Variants in TSEN54 observed in about 807,000 individuals in gnomAD.
The protein encoded by TSEN54 is tRNA splicing endonuclease subunit 54, also known as tRNA-splicing endonuclease subunit Sen54.
In TSEN54, 55 loss-of-function variants were observed where a neutral mutation model predicts 61.9. That is an observed-to-expected ratio of 0.89 (90% confidence interval 0.72 to 1.11). The LOEUF is 1.11. Among genes scored for constraint, TSEN54 ranks in the 50% most tolerant of loss-of-function variants. The pLI is 0.00. For synonymous variants in TSEN54, 304 were observed against 288.7 expected, an observed-to-expected ratio of 1.05 and a Z score of -0.54; for missense variants, 760 against 687.7, an observed-to-expected ratio of 1.11 and a Z score of -1.18.
chr17:75,523,140 C>CT, intron 8 of TSEN54, 135 bp from the exon 9 acceptor site: 1 of 1,174,220 alleles, frequency 8.5e-7, no homozygotes, highest in Non-Finnish European at 1.3e-6. Context: ...GATCACGCCA[C>CT]TATACTCCAG....
At chr17:75,520,954 CAAA>C (rs74269590) in intron 6 of TSEN54, among the ~76,000 whole-genome samples, 6 of 95,000 alleles carry the variant, frequency 6.3e-5, no homozygotes, top group Non-Finnish European at 6.9e-5. Flanking sequence ...GACTGTGTCT[CAAA>C]AAAAAAAAAA....
intron 8 of TSEN54, chr17:75,522,728 T>A: frequency 2.9e-6 from 1 of 344,100 alleles, no homozygotes; most frequent in Non-Finnish European, 5.3e-6. Context: ...AAGCTAAATG[T>A]GTTAACGGAT....
chr17:75,524,533 G>C lies in TSEN54; in HGVS notation c.*121G>C, dbSNP rs2053481420. 3 of 1,306,136 alleles carry C rather than the reference G, an allele frequency of 2.3e-6. No individual in the cohort carries two copies. The highest frequency in any genetic ancestry group is 3.3e-6 in the Non-Finnish European group (3 of 914,382). 80.9% of individuals were successfully genotyped at this position (1,306,136 alleles called of 1,614,324 possible). ...CCTGTAGCTTCAGAGGCCAGTCTGG[G>C]CCTTGGCCCTGGGTGTCTGATACTC... On this transcript the variant is annotated 3_prime_UTR_variant, in exon 11 of 11. Transcript: ENST00000333213.
rs774808311 is a variant in TSEN54 at position 75,522,191 on chromosome 17, C to A, written c.1110C>A (p.Pro370=). ...TCCAGGAAGATGTCAACGCCGATCC[C>A]GAGGTGCAGCGGTGCTCCAGCTGGC... ...AQFQEDVNAD[P]EVQRCSSWRE... The change falls in exon 8 of 11, where the codon CCC becomes CCA. Residue 370 remains proline, a synonymous_variant. Transcript: ENST00000333213. The A allele has an allele frequency of 5.8e-6, 9 of 1,547,900 alleles. No individual in the cohort carries two copies. Among genetic ancestry groups the A allele is most frequent in the African/African-American group, 5.5e-5 (4 of 72,954 alleles).
intron 6 of TSEN54, among the ~76,000 whole-genome samples, chr17:75,520,458 C>T (rs1054947812): frequency 3.4e-5 from 5 of 149,192 alleles, no homozygotes; most frequent in East Asian, 2.0e-4. Context: ...TGGTGGCAGG[C>T]GCCTATAGTC....
Position 75,522,339 on chromosome 17 carries a change from C to A in TSEN54, c.1252+6C>A. 9 of 1,544,598 alleles carry A rather than the reference C, an allele frequency of 5.8e-6. No homozygotes were observed. Among genetic ancestry groups the A allele is most frequent in the Non-Finnish European group, 7.8e-6 (9 of 1,146,812 alleles). ...TGGCCAGGCCAGCTCCCCAGGTACC[C>A]CCTCAGCCTGCCACATCTTCGAGGG... On this transcript the variant is annotated splice_donor_region_variant and intron_variant, in intron 8 of 10. Transcript: ENST00000333213.
intron 6 of TSEN54, among the ~76,000 whole-genome samples, chr17:75,520,595 A>G (rs1171750052): frequency 6.6e-6 from 1 of 151,224 alleles, no homozygotes. Context: ...CAAAAAAAAA[A>G]GCAAACTTAA....
chr17:75,521,656 A>G, intron 7 of TSEN54, 49 bp from the exon 8 acceptor site: 1 of 1,598,804 alleles, frequency 6.3e-7, no homozygotes, highest in South Asian at 1.1e-5. Context: ...GGACGTGTGC[A>G]CCTTAGCAAC....
chr17:75,522,181 A>G lies in TSEN54; in HGVS notation c.1100A>G (p.Asn367Ser), dbSNP rs750326133. The change falls in exon 8 of 11, where the codon AAC becomes AGC. Residue 367 changes from asparagine (N) to serine (S), a missense_variant. Asn to Ser is a conservative substitution (Grantham distance 46). Coordinates refer to ENST00000333213, the MANE Select transcript of TSEN54 (RefSeq NM_207346.3). ...GCCGCGCAGTTCCAGGAAGATGTCA[A>G]CGCCGATCCCGAGGTGCAGCGGTGC... ...AEAAQFQEDV[N>S]ADPEVQRCSS... The G allele has an allele frequency of 1.3e-6, 2 of 1,550,234 alleles. No individual in the cohort carries two copies. Among genetic ancestry groups the G allele is most frequent in the South Asian group, 2.4e-5 (2 of 84,362 alleles).
intron 9 of TSEN54, 100 bp downstream of exon 9, chr17:75,523,435 C>A (rs1021323951): frequency 1.2e-6 from 2 of 1,608,038 alleles, no homozygotes; most frequent in Admixed American, 1.7e-5. Flanking sequence ...GAGGACTGTT[C>A]CAGGGACTCC....
intron 4 of TSEN54, 75 bp downstream of exon 4, chr17:75,517,319 C>T: frequency 6.7e-7 from 1 of 1,495,342 alleles, no homozygotes; most frequent in Non-Finnish European, 9.1e-7. Flanking sequence ...GGAGAAAAAG[C>T]ACACACAACC....
chr17:75,521,560 C>A, intron 7 of TSEN54, 50 bp downstream of exon 7: 5 of 1,595,492 alleles, frequency 3.1e-6, no homozygotes, highest in Non-Finnish European at 4.3e-6. Context: ...TGTCTGGGAC[C>A]TTGGAAAATG....
chr17:75,517,014 G>A lies in TSEN54; in HGVS notation c.227G>A (p.Ser76Asn), dbSNP rs2053376932. The A allele has an allele frequency of 6.3e-7, 1 of 1,586,894 alleles. No homozygotes were observed. The highest frequency in any genetic ancestry group is 1.3e-5 in the African/African-American group (1 of 74,554). Reference sequence around the variant, plus strand: ...CCCTCCCCACTCCTCGCCAGGGGCAGCTTGGTGGCTGCCGAGTGGAGGCCA... The same window carrying A: ...CCCTCCCCACTCCTCGCCAGGGGCAACTTGGTGGCTGCCGAGTGGAGGCCA... ...LAEQRVERLGSLVAAEWRPEE... is the reference protein window; with the variant it reads ...LAEQRVERLGNLVAAEWRPEE... Residue 76 changes from serine to asparagine, a missense_variant, in exon 3 of 11, where the codon AGC becomes AAC. Ser to Asn is a conservative substitution (Grantham distance 46). This residue lies in a region of TSEN54 where 667 missense variants were observed against 577.8 expected (regional missense o/e 1.15). Transcript: ENST00000333213.
At chr17:75,517,269 A>G in intron 4 of TSEN54, 25 bp downstream of exon 4, 1 of 1,574,520 alleles carries the variant, frequency 6.4e-7, no homozygotes, top group Non-Finnish European at 8.6e-7. Flanking sequence ...GGAGGTGGGG[A>G]AGGAGTTGGG....
rs754461779 is a variant in TSEN54 at position 75,524,361 on chromosome 17, C to A, written c.1530C>A (p.Ile510=). The change falls in exon 11 of 11, where the codon ATC becomes ATA. Residue 510 remains isoleucine, a synonymous_variant. Coordinates refer to ENST00000333213, the MANE Select transcript of TSEN54 (RefSeq NM_207346.3). ...TTGCCCTGGTGGATCATGGTGACAT[C>A]TCCTTCTACAGCTTCAGGGACTTCA... The part of the protein sequence containing the change: ...LIFALVDHGD[I]SFYSFRDFTL... The A allele has an allele frequency of 6.5e-5, 105 of 1,614,072 alleles. 3 individuals are homozygous for A. The South Asian group carries it at 1.1e-3, about 17-fold the overall frequency.
intron 4 of TSEN54, 46 bp downstream of exon 4, chr17:75,517,290 G>A (rs1488143484): frequency 6.4e-7 from 1 of 1,553,112 alleles, no homozygotes; most frequent in Non-Finnish European, 8.7e-7. Context: ...ACCAAAGAAC[G>A]GGAAGGACAC....
Position 75,521,769 on chromosome 17 carries a change from A to C in TSEN54, c.688A>C (p.Ser230Arg), listed in dbSNP as rs1187189879. 6.2e-7 allele frequency: 1 copy of C among 1,612,790 alleles called. No individual in the cohort carries two copies. The highest frequency in any genetic ancestry group is 1.7e-5 in the Admixed American group (1 of 60,000). The change falls in exon 8 of 11, where the codon AGC (serine) becomes CGC (arginine). Residue 230 changes from serine (S) to arginine (R), a missense_variant. By Grantham distance (110) the Ser-to-Arg change is moderately radical. Transcript: ENST00000333213. ...GCAACCCAAGAGTCTGGCAGCCTCC[A>C]GCCCACCTCCCTGCAGCCAGCCCAG... ...SLQPKSLAASSPPPCSQPSQC... is the reference protein window; with the variant it reads ...SLQPKSLAASRPPPCSQPSQC...
chr17:75,521,300 C>G (rs912202732), intron 6 of TSEN54, 109 bp from the exon 7 acceptor site: 1 of 934,384 alleles, frequency 1.1e-6, no homozygotes, highest in Admixed American at 2.0e-5. Context: ...GGGTGTGGCT[C>G]CGATCCTGGC....
rs2053428773 is a variant in TSEN54 at position 75,521,707 on chromosome 17, C to T, written c.626C>T (p.Ser209Phe). ...KRKRSSSSPR[S>F]INKKAKALDN... ...TGCTTTTCCCCCACGTCCCTCAGGT[C>T]CATTAATAAGAAGGCCAAGGCCCTG... The change falls in exon 8 of 11, where the codon TCC (serine) becomes TTC (phenylalanine). Residue 209 changes from serine to phenylalanine, a missense_variant and splice_region_variant. Ser to Phe is a radical substitution (Grantham distance 155). This residue lies in a region of TSEN54 where 667 missense variants were observed against 577.8 expected (regional missense o/e 1.15). Coordinates refer to ENST00000333213, the MANE Select transcript of TSEN54 (RefSeq NM_207346.3). The T allele has an allele frequency of 6.2e-7, 1 of 1,613,090 alleles. No individual in the cohort carries two copies. The highest frequency in any genetic ancestry group is 1.3e-5 in the African/African-American group (1 of 74,992).
Sources: gnomAD v4.1 joint callset for allele counts (sites outside exome capture counted in the v4.1 genomes callset) on GRCh38, gnomAD v4.1.1 for gene constraint, gnomAD v4.1.1 regional missense constraint, MANE v1.5 for transcripts, NCBI Gene and HGNC (gene_info 2026-07-23, HGNC 2026-07-21) for gene names.